The following SPAG16 variants were observed in gnomAD, a reference collection of about 807,000 sequenced individuals.
The protein encoded by SPAG16 is sperm associated antigen 16, also known as sperm-associated antigen 16 protein.
SPAG16 carries 86 observed loss-of-function variants against 80.4 expected under a neutral mutation model. That is an observed-to-expected ratio of 1.07 (90% CI 0.90 to 1.28). The LOEUF (loss-of-function observed/expected upper bound fraction) is 1.28, where lower values mean the gene tolerates loss of function less well. SPAG16 is among the 50% of genes most tolerant of loss of function. The probability of loss-of-function intolerance (pLI) is 0.00; values close to 1 mark genes in which losing one functional copy is unlikely to be tolerated. For missense variants in SPAG16, 870 were observed against 765.3 expected, an observed-to-expected ratio of 1.14 and a Z score of -1.61; for synonymous variants, 294 against 265.9, an observed-to-expected ratio of 1.11 and a Z score of -1.03.
intron 9 of SPAG16, among the ~76,000 whole-genome samples, chr2:213,441,477 G>A (rs192393079): frequency 7.8e-4 from 119 of 152,274 alleles, no homozygotes; most frequent in African/African-American, 2.7e-3. Flanking sequence ...AAAGACAAGA[G>A]GTAAAGGGGT....
rs567223157 is a variant in SPAG16 at position 214,308,585 on chromosome 2, T to C, written c.1721-101555T>C. ...TGCTTTTGTAGGGCAGGTCTGGTGG[T>C]AACAATTCCCTCAGCATTTGCTTGT... On this transcript the variant is annotated intron_variant, in intron 15 of 15. Coordinates refer to ENST00000331683, the MANE Select transcript of SPAG16 (RefSeq NM_024532.5). Among the ~76,000 whole-genome samples the C allele has an allele frequency of 1.2e-4, 18 of 152,330 alleles. No individual in the cohort carries two copies. The South Asian group carries it at 3.3e-3, about 28-fold the overall frequency.
chr2:214,092,193 C>T (rs1553714351), intron 13 of SPAG16, among the ~76,000 whole-genome samples: 2 of 152,050 alleles, frequency 1.3e-5, no homozygotes, highest in Non-Finnish European at 2.9e-5. Context: ...CAAAAACATA[C>T]TCAGATATAA....
intron 15 of SPAG16, among the ~76,000 whole-genome samples, chr2:214,371,750 G>C (rs1363492507): frequency 1.4e-5 from 2 of 145,280 alleles, no homozygotes; most frequent in Non-Finnish European, 3.0e-5. Flanking sequence ...GCGTGATCTT[G>C]GCTCACTGCA....
At chr2:213,594,379 T>C (rs1220722280) in intron 10 of SPAG16, among the ~76,000 whole-genome samples, 1 of 152,196 alleles carries the variant, frequency 6.6e-6, no homozygotes, top group Non-Finnish European at 1.5e-5. Flanking sequence ...TAAGGTCCTC[T>C]GTGACGTTAA....
At chr2:213,881,687 T>G (rs1452064050) in intron 11 of SPAG16, among the ~76,000 whole-genome samples, 1 of 152,186 alleles carries the variant, frequency 6.6e-6, no homozygotes, top group Admixed American at 6.5e-5. Context: ...TTGTGAGAAC[T>G]CACCATCCCA....
chr2:213,497,962 T>C (rs958865749), intron 10 of SPAG16, among the ~76,000 whole-genome samples: 1 of 152,162 alleles, frequency 6.6e-6, no homozygotes, highest in African/African-American at 2.4e-5. Context: ...TATTACATAC[T>C]GTATAACAGA....
At chr2:213,740,283 G>A (rs375503367) in intron 10 of SPAG16, among the ~76,000 whole-genome samples, 3 of 152,146 alleles carry the variant, frequency 2.0e-5, no homozygotes, top group East Asian at 3.9e-4. Context: ...TTAAACAGAT[G>A]ACTCCAGGAA....
intron 10 of SPAG16, among the ~76,000 whole-genome samples, chr2:213,793,272 C>T (rs1365503107): frequency 6.6e-6 from 1 of 151,934 alleles, no homozygotes; most frequent in Admixed American, 6.6e-5. Flanking sequence ...TTCTTACTGT[C>T]AATATTTTGT....
chr2:214,062,145 C>T (rs1402423375), intron 13 of SPAG16, among the ~76,000 whole-genome samples: 1 of 152,070 alleles, frequency 6.6e-6, no homozygotes, highest in Non-Finnish European at 1.5e-5. Flanking sequence ...CTGGGCCAGG[C>T]AGAGTGGCTC....
At chr2:214,354,750 T>G (rs1039188820) in intron 15 of SPAG16, among the ~76,000 whole-genome samples, 2 of 152,052 alleles carry the variant, frequency 1.3e-5, no homozygotes, top group Non-Finnish European at 2.9e-5. Flanking sequence ...TATTTTATTC[T>G]CTTTGAAGCA....
At chr2:214,229,990 A>C (rs770602856) in intron 15 of SPAG16, among the ~76,000 whole-genome samples, 1 of 151,922 alleles carries the variant, frequency 6.6e-6, no homozygotes, top group Non-Finnish European at 1.5e-5. Flanking sequence ...ATTACATATG[A>C]TGAATGTGAA....
At chr2:214,017,344 C>A (rs1182658034) in intron 13 of SPAG16, among the ~76,000 whole-genome samples, 1 of 152,068 alleles carries the variant, frequency 6.6e-6, no homozygotes, top group Non-Finnish European at 1.5e-5. Flanking sequence ...GAACTAAAAA[C>A]TTAGATGTGA....
chr2:213,532,431 TG>T (rs1323041044), intron 10 of SPAG16, among the ~76,000 whole-genome samples: 4 of 152,016 alleles, frequency 2.6e-5, no homozygotes, highest in Non-Finnish European at 5.9e-5. Flanking sequence ...GTTTATTTCT[TG>T]AAAGTTTCTC....
rs144474074 is a variant in SPAG16 at position 214,304,133 on chromosome 2, C to G, written c.1721-106007C>G. On this transcript the variant is annotated intron_variant, in intron 15 of 15. Coordinates refer to ENST00000331683, the MANE Select transcript of SPAG16 (RefSeq NM_024532.5). ...TATTTGGTTTTCTGTTCCTATGTTACTTTGCTAAAGATAATGACCTCCAGC... is the reference window on the plus strand; with the variant it reads ...TATTTGGTTTTCTGTTCCTATGTTAGTTTGCTAAAGATAATGACCTCCAGC... Among the ~76,000 whole-genome samples the G allele has an allele frequency of 1.8e-3, 271 of 152,280 alleles. 2 individuals are homozygous for G. The highest frequency in any genetic ancestry group is 5.9e-3 in the African/African-American group (245 of 41,564).
chr2:213,797,248 A>G (rs1288730785), intron 10 of SPAG16, among the ~76,000 whole-genome samples: 1 of 152,142 alleles, frequency 6.6e-6, no homozygotes, highest in Non-Finnish European at 1.5e-5. Flanking sequence ...ATTTTTTAAA[A>G]AGAAAATTTA....
chr2:213,657,632 T>C (rs1260154367), intron 10 of SPAG16, among the ~76,000 whole-genome samples: 1 of 152,202 alleles, frequency 6.6e-6, no homozygotes, highest in Non-Finnish European at 1.5e-5. Flanking sequence ...GTGTGTTCTT[T>C]CTTACACAAT....
At chr2:213,799,695 C>T (rs1339425178) in intron 10 of SPAG16, among the ~76,000 whole-genome samples, 2 of 151,910 alleles carry the variant, frequency 1.3e-5, no homozygotes, top group Non-Finnish European at 1.5e-5. Flanking sequence ...GAAAATATAA[C>T]ATAAATGATT....
chr2:214,357,405 T>C (rs1308792401), intron 15 of SPAG16, among the ~76,000 whole-genome samples: 1 of 151,958 alleles, frequency 6.6e-6, no homozygotes, highest in Non-Finnish European at 1.5e-5. Context: ...TTTGTCTCTC[T>C]GGGCTACATC....
intron 13 of SPAG16, among the ~76,000 whole-genome samples, chr2:214,040,819 G>T (rs760838642): frequency 6.6e-6 from 1 of 152,006 alleles, no homozygotes; most frequent in Non-Finnish European, 1.5e-5. Context: ...ATTTTGAACT[G>T]ATTATTACTA....
Sources: allele counts gnomAD v4.1 joint callset (sites outside exome capture counted in the v4.1 genomes callset), GRCh38; gene constraint gnomAD v4.1.1; transcripts MANE v1.5; gene names NCBI Gene and HGNC (gene_info 2026-07-23, HGNC 2026-07-21).